Variants in SLMAP observed in about 807,000 individuals in gnomAD.
SLMAP encodes the protein sarcolemma associated protein.
A neutral mutation model predicts 128.8 loss-of-function variants in SLMAP; 44 were observed. The observed-to-expected ratio is 0.34, with a 90% CI of 0.27 to 0.44. The LOEUF (loss-of-function observed/expected upper bound fraction) is 0.44. Among genes scored for constraint, SLMAP ranks in the 20% least tolerant of loss-of-function variants. The pLI, the probability that SLMAP is intolerant of heterozygous loss-of-function variation, is 1.00. For synonymous variants in SLMAP, 327 were observed against 348.8 expected (o/e 0.94, Z 0.70); for missense variants, 787 against 985.3 (o/e 0.80, Z 2.69).
Position 57,757,618 on chromosome 3 carries a change from C to T in SLMAP, c.-34C>T, listed in dbSNP as rs747117534. The T allele has an allele frequency of 2.2e-5, 35 of 1,607,838 alleles. No homozygotes were observed. The highest frequency in any genetic ancestry group is 6.7e-5 in the Admixed American group (4 of 59,910). The stretch of plus-strand genomic sequence containing the variant: ...CGGATCCGGAGGAACTCCTCTTTGT[C>T]CCTGGTAGGAGAGACACCCCCAGTC... On this transcript the variant is annotated 5_prime_UTR_variant, in exon 2 of 25. Transcript: ENST00000671191.
At chr3:57,866,266 G>A (rs1291994678) in intron 13 of SLMAP, among the ~76,000 whole-genome samples, 1 of 139,860 alleles carries the variant, frequency 7.2e-6, no homozygotes, top group Non-Finnish European at 1.6e-5. Context: ...GCAAGGCCCT[G>A]TCTTTAAAAA....
At chr3:57,832,749 C>G (rs2093414774) in intron 3 of SLMAP, among the ~76,000 whole-genome samples, 2 of 152,076 alleles carry the variant, frequency 1.3e-5, no homozygotes, top group African/African-American at 4.8e-5. Flanking sequence ...ACTGGTATTG[C>G]AACAGCAGTA....
intron 17 of SLMAP, chr3:57,897,317 A>G (rs908567270): frequency 1.3e-4 from 33 of 262,104 alleles, no homozygotes; most frequent in African/African-American, 6.8e-4. Flanking sequence ...GCAGTTGTAA[A>G]TTTCCTTATT....
intron 17 of SLMAP, chr3:57,900,197 T>C (rs931933526): frequency 1.2e-4 from 19 of 152,192 alleles, no homozygotes; most frequent in Non-Finnish European, 2.4e-4. Context: ...TTTCCCCTTT[T>C]TTAAAAAATA....
chr3:57,868,534 T>C (rs1281704437), intron 13 of SLMAP, among the ~76,000 whole-genome samples: 1 of 151,920 alleles, frequency 6.6e-6, no homozygotes, highest in African/African-American at 2.4e-5. Context: ...GAGACCAGCC[T>C]GGGCAACATA....
Position 57,909,150 on chromosome 3 carries a change from G to T in SLMAP, c.1699G>T (p.Ala567Ser). ...ESTKQIQVLQ[A>S]QLQRLHIDTE... ...CACTAAACAAATACAGGTTCTTCAA[G>T]GTATGGAAGACCCCAAGGCTCTTTG... The change falls in exon 19 of 25, where the codon GCC (alanine) becomes TCC (serine). Residue 567 changes from alanine to serine, a missense_variant and splice_region_variant. Around this residue, in one of 2 missense-constraint regions of SLMAP, gnomAD observed 715 missense variants for 843.6 expected, o/e 0.85. Transcript: ENST00000671191. The T allele has an allele frequency of 6.3e-7, 1 of 1,595,032 alleles. No individual in the cohort carries two copies. The highest frequency in any genetic ancestry group is 1.1e-5 in the South Asian group (1 of 89,398).
At chr3:57,776,506 T>TTCTCTC (rs397932536) in intron 2 of SLMAP, among the ~76,000 whole-genome samples, 13,863 of 128,340 alleles carry the variant, frequency 0.11, 1,502 homozygotes, top group East Asian at 0.3. Context: ...GATTTGTCCC[T>TTCTCTC]TCTCTCTCTC....
intron 2 of SLMAP, among the ~76,000 whole-genome samples, chr3:57,764,241 C>T (rs1360570821): frequency 6.6e-6 from 1 of 152,044 alleles, no homozygotes; most frequent in African/African-American, 2.4e-5. Flanking sequence ...GTGGCTCACA[C>T]CTGTAATCCC....
Position 57,803,597 on chromosome 3 carries a change from A to G in SLMAP, c.199-27786A>G, listed in dbSNP as rs376153876. Among the ~76,000 whole-genome samples the G allele has an allele frequency of 2.2e-4, 34 of 152,358 alleles. 1 individual carries two copies. In the South Asian group the frequency reaches 7.0e-3, roughly 32 times the overall value. ...TAGTACTGTATAAATAAAGGAAGAA[A>G]TAAACCAAAAGATAAAACAGTTTTA... On this transcript the variant is annotated intron_variant, in intron 2 of 24. Coordinates refer to ENST00000671191, the MANE Select transcript of SLMAP (RefSeq NM_001377540.1).
intron 20 of SLMAP, 128 bp from the exon 21 acceptor site, chr3:57,913,030 C>A: frequency 1.8e-6 from 1 of 542,084 alleles, no homozygotes; most frequent in South Asian, 3.5e-5. Context: ...TATAATTAAC[C>A]ATGTAAAATC....
intron 2 of SLMAP, among the ~76,000 whole-genome samples, chr3:57,762,368 CAA>C (rs201067236): frequency 1.6e-4 from 14 of 89,976 alleles, no homozygotes; most frequent in Non-Finnish European, 1.4e-4. Context: ...GACTCTGTCT[CAA>C]AAAAAAAAAA....
intron 2 of SLMAP, among the ~76,000 whole-genome samples, chr3:57,776,522 C>CTCTCTT (rs571722815): frequency 0.042 from 3,863 of 92,700 alleles, 464 homozygotes; most frequent in African/African-American, 0.17. Flanking sequence ...CTCTCTCTCT[C>CTCTCTT]TTTTTTTTTT....
chr3:57,870,239 A>G (rs925853750), intron 13 of SLMAP, among the ~76,000 whole-genome samples: 3 of 152,188 alleles, frequency 2.0e-5, no homozygotes, highest in Admixed American at 2.0e-4. Context: ...AAGTGTTACC[A>G]TAGCTAAAAT....
intron 12 of SLMAP, 137 bp from the exon 13 acceptor site, chr3:57,865,105 A>C: frequency 1.7e-6 from 1 of 603,686 alleles, no homozygotes. Context: ...TAAGAAAAGT[A>C]CATGAACAGC....
At chr3:57,868,992 A>G (rs1001032131) in intron 13 of SLMAP, among the ~76,000 whole-genome samples, 13 of 138,582 alleles carry the variant, frequency 9.4e-5, no homozygotes, top group Admixed American at 1.6e-4. Context: ...TATATTATAT[A>G]TGTGTATTAT....
At chr3:57,902,736 A>G (rs1296373947) in intron 17 of SLMAP, among the ~76,000 whole-genome samples, 1 of 152,154 alleles carries the variant, frequency 6.6e-6, no homozygotes, top group Non-Finnish European at 1.5e-5. Context: ...AAATTTAGAA[A>G]TATTTATTTC....
At chr3:57,796,368 G>A (rs562272369) in intron 2 of SLMAP, among the ~76,000 whole-genome samples, 7 of 152,006 alleles carry the variant, frequency 4.6e-5, no homozygotes, top group Admixed American at 6.5e-5. Context: ...TGTGGAATTA[G>A]GATAGTCTAG....
At chr3:57,903,499 G>A (rs760843119) in intron 17 of SLMAP, among the ~76,000 whole-genome samples, 86 of 152,214 alleles carry the variant, frequency 5.6e-4, no homozygotes, top group Non-Finnish European at 9.3e-4. Context: ...CCTTTACCAA[G>A]TGGATCAGTG....
intron 2 of SLMAP, among the ~76,000 whole-genome samples, chr3:57,803,080 G>A (rs929860255): frequency 9.2e-5 from 14 of 152,196 alleles, no homozygotes; most frequent in African/African-American, 2.6e-4. Flanking sequence ...GAATTTATTG[G>A]TAGATGAGCA....
Sources: gnomAD v4.1 joint callset for allele counts (sites outside exome capture counted in the v4.1 genomes callset) on GRCh38, gnomAD v4.1.1 for gene constraint, gnomAD v4.1.1 regional missense constraint, MANE v1.5 for transcripts, NCBI Gene and HGNC (gene_info 2026-07-23, HGNC 2026-07-21) for gene names.